SELENOT: variants seen among roughly 807,000 people sequenced by gnomAD.
The protein encoded by SELENOT is thioredoxin reductase-like selenoprotein T.
In SELENOT, 9 loss-of-function variants were observed where a neutral mutation model predicts 24.3. The observed-to-expected ratio is 0.37, with a 90% CI of 0.22 to 0.65. SELENOT has a LOEUF of 0.65. Ranked by LOEUF, SELENOT falls within the 30% of genes least tolerant of loss-of-function variation. The pLI, the probability that SELENOT is intolerant of heterozygous loss-of-function variation, is 0.60. For synonymous variants in SELENOT, 81 were observed against 86.0 expected, an observed-to-expected ratio of 0.94 and a Z score of 0.32; for missense variants, 166 against 247.6, an observed-to-expected ratio of 0.67 and a Z score of 2.21.
chr3:150,619,267 C>A (rs1726286949), intron 1 of SELENOT, among the ~76,000 whole-genome samples: 1 of 150,098 alleles, frequency 6.7e-6, no homozygotes, highest in African/African-American at 2.5e-5. Context: ...CATGGTGGCT[C>A]ACGCCTGTAA....
Position 150,628,609 on chromosome 3 carries a change from A to T in SELENOT, c.*980A>T, listed in dbSNP as rs1726490578. ...TAGGTGAACAGAAATTACCTGACTA[A>T]TAATTTGTCTAACATCATATATCAG... is the stretch of plus-strand genomic sequence containing the variant. On this transcript the variant is annotated 3_prime_UTR_variant, in exon 6 of 6. Coordinates refer to ENST00000471696, the MANE Select transcript of SELENOT (RefSeq NM_016275.5). 6.6e-6 allele frequency: 1 copy of T among 152,192 alleles called. No individual in the cohort carries two copies. Among genetic ancestry groups the T allele is most frequent in the Non-Finnish European group, 1.5e-5 (1 of 68,012 alleles). 9.4% of individuals were successfully genotyped at this position (152,192 alleles called of 1,614,324 possible).
chr3:150,612,938 T>G (rs1475385001), intron 1 of SELENOT, among the ~76,000 whole-genome samples: 2 of 152,246 alleles, frequency 1.3e-5, no homozygotes, highest in Non-Finnish European at 1.5e-5. Context: ...GACAGAATCC[T>G]TCCCCACACA....
intron 1 of SELENOT, among the ~76,000 whole-genome samples, chr3:150,620,396 G>A (rs564936798): frequency 6.6e-6 from 1 of 152,112 alleles, no homozygotes; most frequent in Non-Finnish European, 1.5e-5. Flanking sequence ...TGTTAAATTT[G>A]GGGTCTAGTG....
At chr3:150,620,175 C>T (rs1726308671) in intron 1 of SELENOT, among the ~76,000 whole-genome samples, 1 of 152,142 alleles carries the variant, frequency 6.6e-6, no homozygotes, top group Non-Finnish European at 1.5e-5. Context: ...GTTAGTTCAG[C>T]CTGCGCATAT....
intron 1 of SELENOT, 62 bp downstream of exon 1, chr3:150,603,561 G>C (rs1176584422): frequency 1.3e-6 from 2 of 1,490,168 alleles, no homozygotes; most frequent in Non-Finnish European, 1.8e-6. Flanking sequence ...CATTGGCTAC[G>C]CGAGGCCCCG....
intron 1 of SELENOT, chr3:150,603,754 TA>T (rs1472307515): frequency 5.7e-5 from 20 of 348,688 alleles, no homozygotes; most frequent in Non-Finnish European, 9.9e-5. Flanking sequence ...GCGAGAAGGT[TA>T]AACGCTGAAA....
Position 150,603,459 on chromosome 3 carries a change from A to G in SELENOT, c.97A>G (p.Met33Val), listed in dbSNP as rs1194237600. 2 of 1,611,880 alleles carry G rather than the reference A, an allele frequency of 1.2e-6. No individual in the cohort carries two copies. The highest frequency in any genetic ancestry group is 2.7e-5 in the African/African-American group (2 of 74,902). ...CGGCGTGCCCAGCAAGAGATTAAAG[A>G]TGCAGTACGCCACGGGGCCGCTGCT... ...LGGVPSKRLK[M>V]QYATGPLLKF... Residue 33 changes from methionine (M) to valine (V), a missense_variant, in exon 1 of 6, where the codon ATG becomes GTG. Met to Val is a conservative substitution (Grantham distance 21). Around this residue, in one of 5 missense-constraint regions of SELENOT, gnomAD observed 46 missense variants for 49.3 expected, o/e 0.93. Coordinates refer to ENST00000471696, the MANE Select transcript of SELENOT (RefSeq NM_016275.5).
chr3:150,620,823 AT>A (rs1448636688), intron 1 of SELENOT, among the ~76,000 whole-genome samples: 2 of 152,342 alleles, frequency 1.3e-5, no homozygotes, highest in Non-Finnish European at 2.9e-5. Context: ...TATCTAGATT[AT>A]TTTTGTAAAA....
intron 1 of SELENOT, among the ~76,000 whole-genome samples, chr3:150,609,431 C>A (rs1475871617): frequency 6.6e-6 from 1 of 152,118 alleles, no homozygotes; most frequent in African/African-American, 2.4e-5. Context: ...CTCATTGTAG[C>A]CTCGACTGCC....
At chr3:150,603,663 G>C in intron 1 of SELENOT, 164 bp downstream of exon 1, 1 of 777,404 alleles carries the variant, frequency 1.3e-6, no homozygotes, top group Non-Finnish European at 2.0e-6. Context: ...CCCTTAGCGC[G>C]GTCAGGCCGC....
rs780327862 is a variant in SELENOT at position 150,623,177 on chromosome 3, A to G, written c.375+8A>G. 2 of 1,587,570 alleles carry G rather than the reference A, an allele frequency of 1.3e-6. No homozygotes were observed. Among genetic ancestry groups the G allele is most frequent in the South Asian group, 1.2e-5 (1 of 85,450 alleles). The stretch of plus-strand genomic sequence containing the variant: ...TGGGGCCAAGAAAATAAGGTATGTA[A>G]CTTAATAGCTTTGGTAACTGTAGGT... On this transcript the variant is annotated splice_region_variant and intron_variant, in intron 3 of 5. Coordinates refer to ENST00000471696, the MANE Select transcript of SELENOT (RefSeq NM_016275.5).
At position 150,628,078 on chromosome 3, in the gene SELENOT, G is replaced by T. The variant is rs1726481495; in HGVS notation, c.*449G>T. 6.6e-6 allele frequency: 1 copy of T among 152,082 alleles called. No individual in the cohort carries two copies. Among genetic ancestry groups the T allele is most frequent in the South Asian group, 2.1e-4 (1 of 4,826 alleles). 9.4% of individuals were successfully genotyped at this position (152,082 alleles called of 1,614,324 possible). ...AAATTGATCCTTTGGGAATCCAGTT[G>T]AAGTTCCCAAATACTTTATAAGAGT... On this transcript the variant is annotated 3_prime_UTR_variant, in exon 6 of 6. Transcript: ENST00000471696.
intron 1 of SELENOT, 113 bp downstream of exon 1, chr3:150,603,612 G>A: frequency 7.9e-7 from 1 of 1,263,258 alleles, no homozygotes; most frequent in African/African-American, 1.5e-5. Context: ...TGGCCTCGTA[G>A]AACTGTGCCG....
At chr3:150,622,362 TG>T in intron 1 of SELENOT, 22 bp from the exon 2 acceptor site, 1 of 1,204,720 alleles carries the variant, frequency 8.3e-7, no homozygotes, top group Non-Finnish European at 1.1e-6. Context: ...AATGACTTAA[TG>T]GAAACACTTA....
Position 150,623,049 on chromosome 3 carries a change from A to G in SELENOT, c.255A>G (p.Ile85Met). 6.4e-7 allele frequency: 1 copy of G among 1,558,586 alleles called. No homozygotes were observed. ...CTTTCTTTTCTTTTGATAGACACAT[A>G]GCATCTTTCCTGTCAGTCTTCAAAC... The part of the protein sequence containing the change: ...NYLPQPIYRH[I>M]ASFLSVFKLV... The change falls in exon 3 of 6, where the codon ATA becomes ATG. Residue 85 changes from isoleucine (I) to methionine (M), a missense_variant. This residue lies in a region of SELENOT where 71 missense variants were observed against 89.2 expected (regional missense o/e 0.80). Transcript: ENST00000471696.
Position 150,629,043 on chromosome 3 carries a change from C to G in SELENOT, c.*1414C>G, listed in dbSNP as rs974658041. The G allele has an allele frequency of 1.3e-5, 2 of 152,146 alleles. No homozygotes were observed. Among genetic ancestry groups the G allele is most frequent in the Non-Finnish European group, 2.9e-5 (2 of 68,032 alleles). The allele number at this position is 152,146 out of a possible 1,614,324, so 9.4% of individuals were successfully genotyped here. ...GCATTTCCTTTGAGTGTCATGTTGG[C>G]ACTCAAAAAGGTTCAACATTGAGTC... On this transcript the variant is annotated 3_prime_UTR_variant, in exon 6 of 6. Coordinates refer to ENST00000471696, the MANE Select transcript of SELENOT (RefSeq NM_016275.5).
chr3:150,607,989 A>T (rs189751617), intron 1 of SELENOT, among the ~76,000 whole-genome samples: 1 of 152,318 alleles, frequency 6.6e-6, no homozygotes. Context: ...GAGGTGGTAG[A>T]AATAGAAAGA....
Position 150,627,012 on chromosome 3 carries a change from G to T in SELENOT, c.466G>T (p.Val156Leu), listed in dbSNP as rs780107222. ...GGCGGTGCCATTTATTTTTATAGAT[G>T]TACCTGTGTGGTCTAAGCTGGAATC... Reference protein sequence around the residue: ...TGAFEITLNDVPVWSKLESGH... With the variant: ...TGAFEITLNDLPVWSKLESGH... The change falls in exon 5 of 6, where the codon GTA (valine) becomes TTA (leucine). Residue 156 changes from valine to leucine, a missense_variant and splice_region_variant. By Grantham distance (32) the Val-to-Leu change is conservative. This residue lies in a region of SELENOT where 44 missense variants were observed against 72.2 expected (regional missense o/e 0.61). Coordinates refer to ENST00000471696, the MANE Select transcript of SELENOT (RefSeq NM_016275.5). 3 of 1,610,636 alleles carry T rather than the reference G, an allele frequency of 1.9e-6. No individual in the cohort carries two copies. The highest frequency in any genetic ancestry group is 2.2e-5 in the South Asian group (2 of 90,366).
At chr3:150,611,369 G>T in intron 1 of SELENOT, 1 of 1,194,534 alleles carries the variant, frequency 8.4e-7, no homozygotes, top group Non-Finnish European at 1.2e-6. Flanking sequence ...GACCTAAAGT[G>T]GCAACCAACT....
Sources: gnomAD v4.1 joint callset for allele counts (sites outside exome capture counted in the v4.1 genomes callset) on GRCh38, gnomAD v4.1.1 for gene constraint, gnomAD v4.1.1 regional missense constraint, MANE v1.5 for transcripts, NCBI Gene and HGNC (gene_info 2026-07-23, HGNC 2026-07-21) for gene names.